The following AKNA variants were observed in gnomAD, a reference collection of about 807,000 sequenced individuals.
AKNA encodes the protein AT-hook transcription factor, also known as microtubule organization protein AKNA.
AKNA carries 67 observed loss-of-function variants against 138.8 expected under a neutral mutation model. The observed-to-expected ratio is 0.48, with a 90% CI of 0.40 to 0.59. The LOEUF is 0.59. Ranked by LOEUF, AKNA falls within the 20% of genes least tolerant of loss-of-function variation. AKNA has a pLI of 0.00. For missense variants in AKNA, 1,813 were observed against 1,880.4 expected, an observed-to-expected ratio of 0.96 and a Z score of 0.66; for synonymous variants, 737 against 754.4, an observed-to-expected ratio of 0.98 and a Z score of 0.38.
chr9:114,396,457 G>C (rs1834536074), upstream of AKNA, among the ~76,000 whole-genome samples: 1 of 152,042 alleles, frequency 6.6e-6, no homozygotes, highest in African/African-American at 2.4e-5. Context: ...GAGGTGGGAG[G>C]ATCATGAGGT....
downstream of AKNA, chr9:114,331,999 G>A (rs1157917556): frequency 2.0e-5 from 29 of 1,419,328 alleles, no homozygotes; most frequent in Non-Finnish European, 2.8e-5. Flanking sequence ...GAGGCCCAGA[G>A]CAGGAAAGCT....
At position 114,356,973 on chromosome 9, in the gene AKNA, A is replaced by C. The variant is rs781316763; in HGVS notation, c.2740-4T>G. On this transcript the variant is annotated splice_polypyrimidine_tract_variant and splice_region_variant and intron_variant, in intron 12 of 21. Coordinates refer to ENST00000374088, the MANE Select transcript of AKNA (RefSeq NM_001317950.2). ...CTGGGGACGCCATCCAGGTCTCCTGAAAGAGGCAGTATCCCTTTATGTCTG... is the reference window on the plus strand; with the variant it reads ...CTGGGGACGCCATCCAGGTCTCCTGCAAGAGGCAGTATCCCTTTATGTCTG... The C allele has an allele frequency of 6.3e-7, 1 of 1,580,354 alleles. No individual in the cohort carries two copies. Among genetic ancestry groups the C allele is most frequent in the African/African-American group, 1.4e-5 (1 of 72,018 alleles).
intron 3 of AKNA, among the ~76,000 whole-genome samples, chr9:114,375,274 C>A (rs1228133278): frequency 2.6e-5 from 4 of 152,210 alleles, no homozygotes; most frequent in Non-Finnish European, 5.9e-5. Context: ...CTCTGCAGGA[C>A]AGACTGATTT....
At chr9:114,340,057 C>T (rs1830235156) in intron 21 of AKNA, among the ~76,000 whole-genome samples, 1 of 152,176 alleles carries the variant, frequency 6.6e-6, no homozygotes, top group Non-Finnish European at 1.5e-5. Context: ...CAAGATGGCG[C>T]CACTGCACTC....
chr9:114,381,002 GA>G, intron 2 of AKNA, 57 bp downstream of exon 2: 1 of 867,106 alleles, frequency 1.2e-6, no homozygotes, highest in Non-Finnish European at 1.5e-6. Flanking sequence ...AAAAAAAAAA[GA>G]ACGTGTGATG....
intron 7 of AKNA, among the ~76,000 whole-genome samples, chr9:114,363,647 C>T (rs1480638208): frequency 6.6e-6 from 1 of 152,178 alleles, no homozygotes; most frequent in Non-Finnish European, 1.5e-5. Context: ...CAGCTCCTCT[C>T]CCACCCTGCT....
chr9:114,353,750 TG>T (rs1831295824), intron 14 of AKNA, among the ~76,000 whole-genome samples: 1 of 152,378 alleles, frequency 6.6e-6, no homozygotes, highest in East Asian at 1.9e-4. Flanking sequence ...TGCTGAATAC[TG>T]TAGGTATCTG....
chr9:114,361,108 C>A (rs568570788), intron 9 of AKNA, among the ~76,000 whole-genome samples: 10 of 152,266 alleles, frequency 6.6e-5, no homozygotes, highest in African/African-American at 2.4e-4. Flanking sequence ...TCATCCCCTG[C>A]CAGAAAATCC....
At chr9:114,367,268 A>G (rs560297186) in intron 6 of AKNA, among the ~76,000 whole-genome samples, 1 of 152,250 alleles carries the variant, frequency 6.6e-6, no homozygotes, top group African/African-American at 2.4e-5. Context: ...GAGCCAGCCT[A>G]GAGACACTTC....
Position 114,358,278 on chromosome 9 carries a change from T to C in AKNA, c.2493-111A>G, listed in dbSNP as rs1008593053. 6 of 1,465,240 alleles carry C rather than the reference T, an allele frequency of 4.1e-6. No individual in the cohort carries two copies. In the African/African-American group the frequency reaches 8.5e-5, roughly 21 times the overall value. 90.8% of individuals were successfully genotyped at this position (1,465,240 alleles called of 1,614,324 possible). On this transcript the variant is annotated intron_variant, in intron 11 of 21. Transcript: ENST00000374088. ...AGGGCACAAGCTCTGGAGTCAGACA[T>C]CCCTGGCTGCCCAGCCTGGTTCTGC...
chr9:114,332,026 C>G, downstream of AKNA: 1 of 1,019,782 alleles, frequency 9.8e-7, no homozygotes, highest in Non-Finnish European at 1.5e-6. Context: ...CAAGGCTGCA[C>G]AGCTAGGCAG....
chr9:114,365,731 A>G lies in AKNA; in HGVS notation c.1729-1112T>C, dbSNP rs145365701. On this transcript the variant is annotated intron_variant, in intron 6 of 21. Coordinates refer to ENST00000374088, the MANE Select transcript of AKNA (RefSeq NM_001317950.2). ...TCAACATGTAATCAATACTAAAAAA[A>G]TAGGGAGACACTTTATATTTCTAAG... Among the ~76,000 whole-genome samples the G allele has an allele frequency of 2.7e-3, 411 of 152,326 alleles. 3 individuals are homozygous for G. Among genetic ancestry groups the G allele is most frequent in the African/African-American group, 9.6e-3 (397 of 41,564 alleles).
Position 114,377,319 on chromosome 9 carries a change from A to G in AKNA, c.488T>C (p.Leu163Pro). The G allele has an allele frequency of 6.2e-7, 1 of 1,614,164 alleles. No individual in the cohort carries two copies. Among genetic ancestry groups the G allele is most frequent in the Non-Finnish European group, 8.5e-7 (1 of 1,180,010 alleles). The change falls in exon 3 of 22, where the codon CTT becomes CCT. Residue 163 changes from leucine (L) to proline (P), a missense_variant. Leu to Pro is a moderately conservative substitution (Grantham distance 98). Transcript: ENST00000374088. ...EGHGNTSPMALGHGQARGWVA... is the reference protein window; with the variant it reads ...EGHGNTSPMAPGHGQARGWVA... ...CCAGCCCCTGGCCTGACCATGCCCA[A>G]GAGCCATGGGGCTGGTGTTTCCATG...
intron 8 of AKNA, 106 bp downstream of exon 8, chr9:114,362,300 T>C: frequency 1.4e-6 from 2 of 1,416,490 alleles, no homozygotes; most frequent in Non-Finnish European, 1.9e-6. Flanking sequence ...TTTCTCTCTA[T>C]TCCCCGTGTA....
chr9:114,330,815 C>T (rs773143009), downstream of AKNA: 1 of 1,613,998 alleles, frequency 6.2e-7, no homozygotes, highest in Non-Finnish European at 8.5e-7. Context: ...TTCTATAACT[C>T]CAGTTACCTG....
downstream of AKNA, chr9:114,330,774 C>T: frequency 1.2e-6 from 2 of 1,613,010 alleles, no homozygotes; most frequent in Non-Finnish European, 8.5e-7. Context: ...TTTTCTTCCG[C>T]CTTCTGGTTG....
intron 6 of AKNA, among the ~76,000 whole-genome samples, 169 bp from the exon 7 acceptor site, chr9:114,364,788 C>T (rs553625349): frequency 6.6e-6 from 1 of 152,304 alleles, no homozygotes; most frequent in South Asian, 2.1e-4. Flanking sequence ...CCACCAGCCC[C>T]AGGCATGGTA....
At chr9:114,393,358 G>A (rs1834419847) in intron 1 of AKNA, among the ~76,000 whole-genome samples, 1 of 151,414 alleles carries the variant, frequency 6.6e-6, no homozygotes, top group African/African-American at 2.4e-5. Context: ...TGCAATTACA[G>A]GCACCTGCCA....
intron 9 of AKNA, 64 bp from the exon 10 acceptor site, chr9:114,360,126 T>C: frequency 1.2e-6 from 2 of 1,604,344 alleles, no homozygotes; most frequent in East Asian, 2.2e-5. Flanking sequence ...TTTAAGCACT[T>C]ACCTCCTGCC....
Sources: gnomAD v4.1 joint callset for allele counts (sites outside exome capture counted in the v4.1 genomes callset) on GRCh38, gnomAD v4.1.1 for gene constraint, MANE v1.5 for transcripts, NCBI Gene and HGNC (gene_info 2026-07-23, HGNC 2026-07-21) for gene names.